The following NOL6 variants were observed in gnomAD, a reference collection of about 807,000 sequenced individuals.
The protein encoded by NOL6 is nucleolar RNA-associated protein.
NOL6 carries 33 observed loss-of-function variants against 131.7 expected under a neutral mutation model. The ratio of observed to expected loss-of-function variants is 0.25; its 90% CI spans 0.19 to 0.33. The LOEUF (loss-of-function observed/expected upper bound fraction) is 0.33, where lower values mean the gene tolerates loss of function less well. Ranked by LOEUF, NOL6 falls within the 10% of genes least tolerant of loss-of-function variation. The pLI, the probability that NOL6 is intolerant of heterozygous loss-of-function variation, is 1.00. For missense variants in NOL6, 1,297 were observed against 1,494.5 expected (o/e 0.87, Z 2.18); for synonymous variants, 580 against 605.7 (o/e 0.96, Z 0.62).
Position 33,464,018 on chromosome 9 carries a change from G to A in NOL6, c.2904+19C>T, listed in dbSNP as rs1023231130. ...TTGGGAAGAAAACCACACATTAGGG[G>A]GCAGGTATGGGGTTGAACCTGGGCT... On this transcript the variant is annotated intron_variant, in intron 22 of 25. Coordinates refer to ENST00000297990, the MANE Select transcript of NOL6 (RefSeq NM_022917.5). 6.2e-7 allele frequency: 1 copy of A among 1,612,772 alleles called. No individual in the cohort carries two copies. The highest frequency in any genetic ancestry group is 1.7e-4 in the Middle Eastern group (1 of 6,056).
At chr9:33,471,030 T>C (rs1352508867) in intron 3 of NOL6, among the ~76,000 whole-genome samples, 2 of 152,176 alleles carry the variant, frequency 1.3e-5, no homozygotes, top group African/African-American at 4.8e-5. Flanking sequence ...CCCAGCACTT[T>C]GGAAGGCCAA....
chr9:33,465,630 T>C (rs1266813289), intron 19 of NOL6, 104 bp downstream of exon 19: 3 of 1,290,184 alleles, frequency 2.3e-6, no homozygotes, highest in Non-Finnish European at 3.2e-6. Context: ...CTCATACCCC[T>C]AACTATGATA....
chr9:33,468,360 G>C lies in NOL6; in HGVS notation c.1269C>G (p.Leu423=), dbSNP rs1488896252. The change falls in exon 10 of 26, where the codon CTC becomes CTG. Residue 423 remains leucine, a synonymous_variant. Transcript: ENST00000297990. ...AGGCAGTGACATCAGCACAGAGGTT[G>C]AGATGGCCTGAGGAATCCAGGAAGA... ...SVVFLDSSGH[L]NLCADVTAST... is the part of the protein sequence containing the mutation. 5 of 1,614,096 alleles carry C rather than the reference G, an allele frequency of 3.1e-6. No individual in the cohort carries two copies. Among genetic ancestry groups the C allele is most frequent in the Non-Finnish European group, 4.2e-6 (5 of 1,179,982 alleles).
chr9:33,466,769 T>C, intron 15 of NOL6, 60 bp from the exon 16 acceptor site: 1 of 1,600,106 alleles, frequency 6.2e-7, no homozygotes, highest in Non-Finnish European at 8.5e-7. Flanking sequence ...TCACCTGGAT[T>C]CTGCCCCAGC....
intron 20 of NOL6, 46 bp from the exon 21 acceptor site, chr9:33,465,022 C>A (rs1827200579): frequency 1.3e-6 from 2 of 1,530,728 alleles, no homozygotes; most frequent in South Asian, 1.1e-5. Flanking sequence ...AGCCACATAT[C>A]CCCAGGCTTC....
In NOL6 at chr9:33,465,764, T is replaced by C; in HGVS notation, c.2498A>G (p.Gln833Arg). 6.2e-7 allele frequency: 1 copy of C among 1,613,576 alleles called. No individual in the cohort carries two copies. Among genetic ancestry groups the C allele is most frequent in the Non-Finnish European group, 8.5e-7 (1 of 1,179,772 alleles). The change falls in exon 19 of 26, where the codon CAG becomes CGG. Residue 833 changes from glutamine (Q) to arginine (R), a missense_variant. Physicochemically the swap from Gln to Arg is conservative, Grantham distance 43. Coordinates refer to ENST00000297990, the MANE Select transcript of NOL6 (RefSeq NM_022917.5). ...ASLRLERDTR[Q>R]LPLLTSALHG... ...CAGGGCACTGGTGAGCAGTGGCAAC[T>C]GCCTTGTGTCTCTCTCAAGGCGGAG... is the stretch of plus-strand genomic sequence containing the variant.
chr9:33,469,118 C>G lies in NOL6; in HGVS notation c.866G>C (p.Ser289Thr). The G allele has an allele frequency of 6.2e-7, 1 of 1,614,142 alleles. No individual in the cohort carries two copies. Among genetic ancestry groups the G allele is most frequent in the Non-Finnish European group, 8.5e-7 (1 of 1,180,016 alleles). Residue 289 changes from serine (S) to threonine (T), a missense_variant, in exon 7 of 26, where the codon AGC becomes ACC. By Grantham distance (58) the Ser-to-Thr change is moderately conservative. Transcript: ENST00000297990. ...ATAGCGGGGGGTAGGAGGCTCTGGG[C>G]TACCTGTGGGATGAAAAGGGAAGCC... ...YRGQSPAGDG[S>T]PEPPTPRYNT...
rs1350523417 is a variant in NOL6 at position 33,468,553 on chromosome 9, C to T, written c.1161G>A (p.Leu387=). Reference sequence around the variant, plus strand: ...GACATAAACTGATCCCGTTGACTGTCAGGTCTGTAGTGGCTGAAGTGAATC... The same window carrying T: ...GACATAAACTGATCCCGTTGACTGTTAGGTCTGTAGTGGCTGAAGTGAATC... ...SVLQFLATTD[L]TVNGISLCLS... The change falls in exon 9 of 26, where the codon CTG becomes CTA. Residue 387 remains leucine (L), a synonymous_variant. Coordinates refer to ENST00000297990, the MANE Select transcript of NOL6 (RefSeq NM_022917.5). 2 of 1,614,148 alleles carry T rather than the reference C, an allele frequency of 1.2e-6. No homozygotes were observed.
rs1445229493 is a variant in NOL6, at chr9:33,461,877, A to G, written c.*787T>C. The G allele has an allele frequency of 2.7e-6, 1 of 374,108 alleles. No individual in the cohort carries two copies. The highest frequency in any genetic ancestry group is 4.9e-6 in the Non-Finnish European group (1 of 202,708). The allele number at this position is 374,108 out of a possible 1,614,324, so 23.2% of individuals were successfully genotyped here. On this transcript the variant is annotated 3_prime_UTR_variant, in exon 26 of 26. Transcript: ENST00000297990. ...GGGAGCTCCTGGGGAGTAAGACTTG[A>G]GTCTCCCCCATCTCTGCAACCCCAC...
chr9:33,469,441 C>T (rs1337598017), intron 5 of NOL6, 58 bp downstream of exon 5: 2 of 1,595,290 alleles, frequency 1.3e-6, no homozygotes, highest in Admixed American at 1.7e-5. Flanking sequence ...GCCTCTGTGC[C>T]TTCTCCTCCA....
intron 15 of NOL6, 64 bp from the exon 16 acceptor site, chr9:33,466,773 C>A: frequency 6.3e-7 from 1 of 1,596,346 alleles, no homozygotes; most frequent in Non-Finnish European, 8.6e-7. Flanking sequence ...CTGGATTCTG[C>A]CCCAGCTCAG....
chr9:33,462,893 G>T (rs1452841020), intron 25 of NOL6, 80 bp from the exon 26 acceptor site: 2 of 1,581,502 alleles, frequency 1.3e-6, no homozygotes, highest in Non-Finnish European at 1.7e-6. Context: ...CAGAGTGGGG[G>T]TGGTGGGGAT....
chr9:33,473,581 CTCTA>C (rs1827472363), intron 1 of NOL6, among the ~76,000 whole-genome samples: 1 of 152,210 alleles, frequency 6.6e-6, no homozygotes, highest in Non-Finnish European at 1.5e-5. Context: ...AGAGCAGAGG[CTCTA>C]CCGGCTTCAC....
In NOL6 at chr9:33,463,456, A is replaced by G. The variant is rs201234662; in HGVS notation, c.2995-15T>C. 1.4e-6 allele frequency: 2 copies of G among 1,393,326 alleles called. No individual in the cohort carries two copies. Among genetic ancestry groups the G allele is most frequent in the East Asian group, 2.4e-5 (1 of 41,266 alleles). The allele number at this position is 1,393,326 out of a possible 1,614,324, so 86.3% of individuals were successfully genotyped here. ...CGGAACACTGTCTAAGGAAGGGGAGAAGGAGGGGTCAGCAGGACCCCCTTG... is the reference window on the plus strand; with the variant it reads ...CGGAACACTGTCTAAGGAAGGGGAGGAGGAGGGGTCAGCAGGACCCCCTTG... On this transcript the variant is annotated splice_polypyrimidine_tract_variant and intron_variant, in intron 23 of 25. Coordinates refer to ENST00000297990, the MANE Select transcript of NOL6 (RefSeq NM_022917.5).
At position 33,461,486 on chromosome 9, in the gene NOL6, G is replaced by A. The variant is rs1304410419; in HGVS notation, c.*1178C>T. The A allele has an allele frequency of 9.9e-5, 15 of 152,258 alleles. No homozygotes were observed. The highest frequency in any genetic ancestry group is 3.4e-4 in the African/African-American group (14 of 41,544). 9.4% of individuals were successfully genotyped at this position (152,258 alleles called of 1,614,324 possible). A position where few individuals can be genotyped will look rare whatever the true frequency, so the allele number is the denominator to read the frequency against. ...TTAACTTTTTATTTAAAAGAGATGGGGTCTCTCTGTTGCCCAGATTGGTCT... is the reference window on the plus strand; with the variant it reads ...TTAACTTTTTATTTAAAAGAGATGGAGTCTCTCTGTTGCCCAGATTGGTCT... On this transcript the variant is annotated 3_prime_UTR_variant, in exon 26 of 26. Transcript: ENST00000297990.
chr9:33,473,833 C>A lies in NOL6; in HGVS notation c.10G>T (p.Ala4Ser), dbSNP rs1185805460. ...CCGCGAAGCTGCTCTCCAGCTGGCG[C>A]CGGCCCCATCACTCAGGGTCCAGCA... MGP[A>S]PAGEQLRGAT... is the part of the protein sequence containing the mutation. The change falls in exon 1 of 26, where the codon GCG (alanine) becomes TCG (serine). Residue 4 changes from alanine to serine, a missense_variant. Physicochemically the swap from Ala to Ser is moderately conservative, Grantham distance 99 (BLOSUM62 1). Coordinates refer to ENST00000297990, the MANE Select transcript of NOL6 (RefSeq NM_022917.5). 1 of 1,611,244 alleles carries A rather than the reference C, an allele frequency of 6.2e-7. No individual in the cohort carries two copies.
chr9:33,462,625 TGTC>T lies in NOL6; in HGVS notation c.*36_*38del. The T allele has an allele frequency of 6.2e-7, 1 of 1,609,174 alleles. No homozygotes were observed. Among genetic ancestry groups the T allele is most frequent in the Non-Finnish European group, 8.5e-7 (1 of 1,176,450 alleles). ...CTGACATCTTGCTCTAGAGGTCCAATGTCCTGCTGTCCGTCTACAGCTTGCTCC... is the reference window on the plus strand; with the variant it reads ...CTGACATCTTGCTCTAGAGGTCCAATCTGCTGTCCGTCTACAGCTTGCTCC... On this transcript the variant is annotated 3_prime_UTR_variant, in exon 26 of 26. Coordinates refer to ENST00000297990, the MANE Select transcript of NOL6 (RefSeq NM_022917.5).
chr9:33,466,851 G>C (rs1827258774), intron 15 of NOL6, 61 bp downstream of exon 15: 1 of 1,543,148 alleles, frequency 6.5e-7, no homozygotes, highest in East Asian at 2.2e-5. Context: ...AAGGCTGAGA[G>C]GACTCTCTCC....
rs760544203 is a variant in NOL6 at position 33,466,223 on chromosome 9, C to A, written c.2212G>T (p.Val738Phe). Residue 738 changes from valine (V) to phenylalanine (F), a missense_variant and splice_region_variant, in exon 18 of 26, where the codon GTT becomes TTT. By Grantham distance (50) the Val-to-Phe change is conservative. Transcript: ENST00000297990. The part of the protein sequence containing the change: ...CPAYVEPMTV[V>F]CHLEGSGQWP... ...TGGCCACTGCCCTCCAGGTGACAAA[C>A]CACTGAGGAAGAAGAGTCAGAGGTC... The A allele has an allele frequency of 1.9e-6, 3 of 1,610,256 alleles. No individual in the cohort carries two copies. The South Asian group carries it at 3.3e-5, about 18-fold the overall frequency.
Sources: allele counts gnomAD v4.1 joint callset (sites outside exome capture counted in the v4.1 genomes callset), GRCh38; gene constraint gnomAD v4.1.1; transcripts MANE v1.5; gene names NCBI Gene and HGNC (gene_info 2026-07-23, HGNC 2026-07-21).